EPHA6: variants seen among roughly 807,000 people sequenced by gnomAD.
EPHA6 encodes ephrin type-A receptor 6.
EPHA6 carries 50 observed loss-of-function variants against 112.0 expected under a neutral mutation model. The observed-to-expected ratio is 0.45, with a 90% CI of 0.36 to 0.56. The LOEUF (loss-of-function observed/expected upper bound fraction) is 0.56. Ranked by LOEUF, EPHA6 falls within the 20% of genes least tolerant of loss-of-function variation. The probability of loss-of-function intolerance (pLI) is 0.00; values close to 1 mark genes in which losing one functional copy is unlikely to be tolerated. For synonymous variants in EPHA6, 529 were observed against 490.7 expected (o/e 1.08, Z -1.03); for missense variants, 1,280 against 1,417.4 (o/e 0.90, Z 1.56).
At chr3:97,529,529 A>G (rs1030025813) in intron 10 of EPHA6, among the ~76,000 whole-genome samples, 2 of 152,114 alleles carry the variant, frequency 1.3e-5, no homozygotes, top group Non-Finnish European at 2.9e-5. Context: ...TTATTGAGGA[A>G]TAATTCCTAT....
chr3:97,160,402 G>A (rs1160573839), intron 3 of EPHA6, among the ~76,000 whole-genome samples: 11 of 151,950 alleles, frequency 7.2e-5, no homozygotes, highest in Non-Finnish European at 1.2e-4. Context: ...TCAGCCTCCC[G>A]AGTAGCTGGG....
At chr3:96,905,742 G>C (rs927434439) in intron 2 of EPHA6, among the ~76,000 whole-genome samples, 2 of 151,786 alleles carry the variant, frequency 1.3e-5, no homozygotes, top group South Asian at 2.1e-4. Flanking sequence ...ATCACCAAGA[G>C]TGACAATATC....
At chr3:97,383,007 T>A (rs2085842844) in intron 5 of EPHA6, among the ~76,000 whole-genome samples, 1 of 151,960 alleles carries the variant, frequency 6.6e-6, no homozygotes, top group South Asian at 2.1e-4. Flanking sequence ...AAATAAGGTA[T>A]CATCTGGTCC....
intron 14 of EPHA6, among the ~76,000 whole-genome samples, chr3:97,676,752 C>T (rs889787717): frequency 6.6e-6 from 1 of 152,122 alleles, no homozygotes; most frequent in African/African-American, 2.4e-5. Context: ...ATCTCTAGTA[C>T]TGGAAGGAAA....
intron 3 of EPHA6, among the ~76,000 whole-genome samples, chr3:97,047,344 C>CA (rs1472089473): frequency 1.3e-5 from 2 of 151,236 alleles, no homozygotes; most frequent in Non-Finnish European, 3.0e-5. Context: ...ACTAAAAATA[C>CA]AAAAAATTAG....
chr3:96,917,053 G>C (rs1209620221), intron 2 of EPHA6, among the ~76,000 whole-genome samples: 1 of 151,982 alleles, frequency 6.6e-6, no homozygotes, highest in East Asian at 1.9e-4. Context: ...ATTTTCCTAC[G>C]TCGTATCTTC....
intron 5 of EPHA6, among the ~76,000 whole-genome samples, chr3:97,402,091 A>G (rs1270392356): frequency 1.3e-5 from 2 of 152,046 alleles, no homozygotes. Context: ...TCTATTCTGG[A>G]GAATGTTCCA....
chr3:96,914,000 A>G (rs2039362058), intron 2 of EPHA6, among the ~76,000 whole-genome samples: 1 of 152,170 alleles, frequency 6.6e-6, no homozygotes, highest in African/African-American at 2.4e-5. Context: ...TAGTGGAGAT[A>G]TGATCAACAA....
chr3:96,936,175 T>A (rs1439193859), intron 2 of EPHA6, among the ~76,000 whole-genome samples: 20 of 152,074 alleles, frequency 1.3e-4, no homozygotes, highest in Non-Finnish European at 1.5e-5. Context: ...TTTTTTTAAA[T>A]GGAAAGATAT....
intron 5 of EPHA6, among the ~76,000 whole-genome samples, chr3:97,260,411 A>G (rs1365720250): frequency 6.6e-6 from 1 of 152,236 alleles, no homozygotes; most frequent in Non-Finnish European, 1.5e-5. Flanking sequence ...TAAGAAAGTT[A>G]TAGAATCATG....
At chr3:97,610,926 T>C in intron 13 of EPHA6, 72 bp downstream of exon 13, 1 of 1,275,526 alleles carries the variant, frequency 7.8e-7, no homozygotes, top group South Asian at 1.3e-5. Flanking sequence ...TTATCATAAA[T>C]TAATTTTTGC....
intron 2 of EPHA6, among the ~76,000 whole-genome samples, chr3:96,965,687 T>C (rs2042099828): frequency 6.6e-6 from 1 of 152,132 alleles, no homozygotes; most frequent in South Asian, 2.1e-4. Context: ...TTTTTCTCTT[T>C]ATATTTTGTA....
intron 3 of EPHA6, among the ~76,000 whole-genome samples, chr3:97,021,253 C>T (rs920548855): frequency 3.1e-4 from 46 of 150,144 alleles, no homozygotes; most frequent in Non-Finnish European, 1.9e-4. Flanking sequence ...CTGGTCGTTT[C>T]TTTTATCTTT....
intron 5 of EPHA6, among the ~76,000 whole-genome samples, chr3:97,270,157 AT>A (rs1559841445): frequency 6.6e-6 from 1 of 152,196 alleles, no homozygotes. Flanking sequence ...AAATGTCAAT[AT>A]TTAGATTGAA....
chr3:97,471,772 C>T (rs1299176586), intron 7 of EPHA6, among the ~76,000 whole-genome samples: 2 of 151,716 alleles, frequency 1.3e-5, no homozygotes, highest in East Asian at 3.9e-4. Context: ...AATTATTCAA[C>T]CCACTCACTC....
chr3:97,693,480 T>C (rs2032806477), intron 14 of EPHA6, among the ~76,000 whole-genome samples: 1 of 152,214 alleles, frequency 6.6e-6, no homozygotes, highest in African/African-American at 2.4e-5. Context: ...CAAAAGTGAT[T>C]GCATCAAGAA....
intron 3 of EPHA6, among the ~76,000 whole-genome samples, chr3:97,133,200 GCAGA>G (rs1418139257): frequency 6.6e-6 from 1 of 151,946 alleles, no homozygotes; most frequent in Non-Finnish European, 1.5e-5. Context: ...ACTGAAATAG[GCAGA>G]CAAAGTAGGA....
At chr3:97,565,603 C>T (rs1353712850) in intron 11 of EPHA6, among the ~76,000 whole-genome samples, 1 of 152,110 alleles carries the variant, frequency 6.6e-6, no homozygotes, top group African/African-American at 2.4e-5. Flanking sequence ...AAAGACCTCA[C>T]AAAGACAGGA....
At chr3:97,485,065 G>A (rs147519735) in intron 10 of EPHA6, among the ~76,000 whole-genome samples, 2 of 152,276 alleles carry the variant, frequency 1.3e-5, no homozygotes, top group East Asian at 3.9e-4. Context: ...AATAGACAAG[G>A]GATATTGGAT....
Sources: allele counts gnomAD v4.1 joint callset (sites outside exome capture counted in the v4.1 genomes callset), GRCh38; gene constraint gnomAD v4.1.1; transcripts MANE v1.5; gene names NCBI Gene and HGNC (gene_info 2026-07-23, HGNC 2026-07-21).